Variants in IQSEC1 observed in about 807,000 individuals in gnomAD.
IQSEC1 encodes IQ motif and SEC7 domain-containing protein 1.
Under a neutral mutation model 91.0 loss-of-function variants are expected in IQSEC1, and 31 were observed. The ratio of observed to expected loss-of-function variants is 0.34; its 90% confidence interval spans 0.26 to 0.46. The LOEUF is 0.46. IQSEC1 is among the 20% of genes least tolerant of loss of function. The pLI, the probability that IQSEC1 is intolerant of heterozygous loss-of-function variation, is 1.00. For missense variants in IQSEC1, 1,388 were observed against 1,575.6 expected (o/e 0.88, Z 2.02); for synonymous variants, 699 against 662.6 (o/e 1.05, Z -0.84).
At chr3:13,069,996 C>T (rs1705360329) in intron 1 of IQSEC1, among the ~76,000 whole-genome samples, 1 of 152,044 alleles carries the variant, frequency 6.6e-6, no homozygotes, top group Admixed American at 6.5e-5. Flanking sequence ...TGAGCCCTGA[C>T]CGGGACAGAG....
At chr3:13,205,177 C>A (rs769714590) in intron 1 of IQSEC1, among the ~76,000 whole-genome samples, 2 of 152,074 alleles carry the variant, frequency 1.3e-5, no homozygotes, top group Admixed American at 1.3e-4. Context: ...AACTGCCCAG[C>A]GCACATCTCC....
chr3:13,001,358 C>A (rs1013631557), intron 1 of IQSEC1, among the ~76,000 whole-genome samples: 9 of 152,212 alleles, frequency 5.9e-5, no homozygotes, highest in Non-Finnish European at 1.2e-4. Context: ...CTATCTGGAA[C>A]TCTGCTCTCC....
intron 1 of IQSEC1, among the ~76,000 whole-genome samples, chr3:13,049,339 C>T (rs940825251): frequency 1.3e-5 from 2 of 152,216 alleles, no homozygotes; most frequent in Non-Finnish European, 2.9e-5. Context: ...GGCTGCCCTG[C>T]CACAGCCATA....
intron 1 of IQSEC1, among the ~76,000 whole-genome samples, chr3:12,986,082 T>C (rs763715177): frequency 7.9e-5 from 12 of 152,132 alleles, no homozygotes; most frequent in Non-Finnish European, 1.5e-4. Context: ...AGGAGGGAGA[T>C]GCTATTACTG....
At chr3:12,966,479 T>C (rs954452546) in intron 1 of IQSEC1, among the ~76,000 whole-genome samples, 2 of 152,116 alleles carry the variant, frequency 1.3e-5, no homozygotes, top group African/African-American at 2.4e-5. Context: ...TGCAGATAGC[T>C]CAGGGGGCAG....
rs1454133464 is a variant in IQSEC1, at chr3:12,983,939, C to CA, written c.24-42075dup. ...AAGCACCTACCTTCAAGGGGGCAGG[C>CA]AGAGAGGTAAGGGCCTTTCATACGT... On this transcript the variant is annotated intron_variant, in intron 1 of 13. Transcript: ENST00000613206. The surrounding 1 kb of genome is among the most constrained non-coding windows in gnomAD (Gnocchi z 4.3). Among the ~76,000 whole-genome samples the CA allele has an allele frequency of 6.6e-6, 1 of 152,146 alleles. No homozygotes were observed. Among genetic ancestry groups the CA allele is most frequent in the Admixed American group, 6.5e-5 (1 of 15,278 alleles).
chr3:13,239,632 C>A (rs868841908), intron 1 of IQSEC1, among the ~76,000 whole-genome samples: 11 of 152,384 alleles, frequency 7.2e-5, no homozygotes, highest in Middle Eastern at 6.8e-3. Flanking sequence ...GCCCCCCAAG[C>A]AGCACCCCAC....
chr3:13,267,864 G>T (rs900677746), intron 1 of IQSEC1, among the ~76,000 whole-genome samples: 3 of 151,948 alleles, frequency 2.0e-5, no homozygotes, highest in Non-Finnish European at 4.4e-5. Context: ...TGATCCACCC[G>T]CCTCGGCCTC....
intron 2 of IQSEC1, among the ~76,000 whole-genome samples, chr3:13,131,888 C>T (rs1340087392): frequency 6.6e-6 from 1 of 151,984 alleles, no homozygotes; most frequent in Non-Finnish European, 1.5e-5. Context: ...ATAATGGTCC[C>T]ATTGTAGTTT....
intron 2 of IQSEC1, among the ~76,000 whole-genome samples, chr3:13,161,995 C>G (rs1375136920): frequency 2.0e-5 from 3 of 152,200 alleles, no homozygotes; most frequent in Admixed American, 2.0e-4. Flanking sequence ...CCATCCTCCT[C>G]CCCCAGGGCT....
chr3:12,992,377 A>AG lies in IQSEC1; in HGVS notation c.24-50513_24-50512insC. 6.6e-6 allele frequency among the ~76,000 whole-genome samples: 1 copy of AG among 151,798 alleles called. No homozygotes were observed. Among genetic ancestry groups the AG allele is most frequent in the Non-Finnish European group, 1.5e-5 (1 of 67,926 alleles). The stretch of plus-strand genomic sequence containing the variant: ...TGGGAGGAGATGGCACCGCTAAGGC[A>AG]ATTTCTCTTCTTTCCCCTTAAATCT... On this transcript the variant is annotated intron_variant, in intron 1 of 13. Transcript: ENST00000613206. The surrounding 1 kb of genome is among the most constrained non-coding windows in gnomAD (Gnocchi z 4.1).
At chr3:12,942,866 G>A (rs575604631) in intron 1 of IQSEC1, among the ~76,000 whole-genome samples, 22 of 152,310 alleles carry the variant, frequency 1.4e-4, no homozygotes, top group African/African-American at 3.6e-4. Flanking sequence ...AGCAGCATGC[G>A]AGGACCCGAG....
In IQSEC1 at chr3:12,915,077, C is replaced by T. The variant is rs1413389010; in HGVS notation, c.2190+27G>A. On this transcript the variant is annotated intron_variant, in intron 8 of 13. Transcript: ENST00000613206. ...CCTCCCCAGGGCGGCGGGCTACCCA[C>T]AAAGGTAAAACCAGAGAAATACTCA... 3 of 1,594,466 alleles carry T rather than the reference C, an allele frequency of 1.9e-6. No homozygotes were observed. The Admixed American group carries it at 5.2e-5, about 27-fold the overall frequency.
upstream of IQSEC1, among the ~76,000 whole-genome samples, chr3:13,075,266 A>G (rs1482621253): frequency 6.6e-6 from 1 of 152,198 alleles, no homozygotes; most frequent in African/African-American, 2.4e-5. Flanking sequence ...GTCTCAGTGA[A>G]TTCTCAGAAG....
intron 1 of IQSEC1, among the ~76,000 whole-genome samples, chr3:13,177,834 G>A (rs922333172): frequency 6.6e-6 from 1 of 152,246 alleles, no homozygotes; most frequent in African/African-American, 2.4e-5. Context: ...GGACCTCTCA[G>A]CCTGGGAAGG....
At chr3:13,096,480 T>G (rs1705964474) in intron 2 of IQSEC1, among the ~76,000 whole-genome samples, 1 of 152,114 alleles carries the variant, frequency 6.6e-6, no homozygotes, top group Admixed American at 6.5e-5. Flanking sequence ...CTAGCAAGAA[T>G]CAAGTATTTG....
At chr3:12,962,498 A>G (rs1439602604) in intron 1 of IQSEC1, among the ~76,000 whole-genome samples, 3 of 152,164 alleles carry the variant, frequency 2.0e-5, no homozygotes, top group South Asian at 2.1e-4. Flanking sequence ...ACTCGTTCCA[A>G]TTCTTCCAGT....
intron 1 of IQSEC1, 59 bp downstream of exon 1, chr3:13,072,933 A>G (rs1353618304): frequency 2.0e-6 from 3 of 1,465,538 alleles, no homozygotes; most frequent in Non-Finnish European, 1.9e-6. Context: ...TCCAGCTCCC[A>G]GCTCAGCCGG....
At chr3:13,136,907 T>A (rs1706720899) in intron 2 of IQSEC1, among the ~76,000 whole-genome samples, 1 of 152,124 alleles carries the variant, frequency 6.6e-6, no homozygotes, top group Non-Finnish European at 1.5e-5. Flanking sequence ...GAGGCCAAAG[T>A]AGGAGGAACA....
Sources: gnomAD v4.1 joint callset for allele counts (sites outside exome capture counted in the v4.1 genomes callset) on GRCh38, gnomAD v4.1.1 for gene constraint, Gnocchi (gnomAD v3.1) non-coding constraint, MANE v1.5 for transcripts, NCBI Gene and HGNC (gene_info 2026-07-23, HGNC 2026-07-21) for gene names.